ADAM22: variants seen among roughly 807,000 people sequenced by gnomAD.
ADAM22 encodes the protein disintegrin and metalloproteinase domain-containing protein 22.
ADAM22 carries 65 observed loss-of-function variants against 144.6 expected under a neutral mutation model. The observed-to-expected ratio is 0.45, with a 90% CI of 0.37 to 0.55. ADAM22 has a LOEUF of 0.55. Among genes scored for constraint, ADAM22 ranks in the 20% least tolerant of loss-of-function variants. The probability of loss-of-function intolerance (pLI) is 0.00; values close to 1 mark genes in which losing one functional copy is unlikely to be tolerated. For missense variants in ADAM22, 974 were observed against 1,184.9 expected, an observed-to-expected ratio of 0.82 and a Z score of 2.61; for synonymous variants, 391 against 412.6, an observed-to-expected ratio of 0.95 and a Z score of 0.63.
At chr7:88,116,650 G>C in intron 6 of ADAM22, 95 bp from the exon 7 acceptor site, 1 of 977,870 alleles carries the variant, frequency 1.0e-6, no homozygotes, top group Non-Finnish European at 1.6e-6. Context: ...GCATAGGCAA[G>C]CTGTGGTTCT....
At chr7:88,034,594 G>A (rs1009499103) in intron 3 of ADAM22, among the ~76,000 whole-genome samples, 1 of 152,164 alleles carries the variant, frequency 6.6e-6, no homozygotes, top group Non-Finnish European at 1.5e-5. Flanking sequence ...GCCCAGCACA[G>A]CACTAGGACT....
At chr7:87,993,747 T>A (rs1210925919) in intron 3 of ADAM22, among the ~76,000 whole-genome samples, 1 of 152,250 alleles carries the variant, frequency 6.6e-6, no homozygotes. Context: ...TCCGTGTATG[T>A]GACTTTTTAG....
chr7:88,176,833 C>T (rs1447722564), intron 26 of ADAM22, among the ~76,000 whole-genome samples: 4 of 152,076 alleles, frequency 2.6e-5, no homozygotes, highest in East Asian at 1.9e-4. Context: ...GGTGCGATCT[C>T]GGCTCACTGC....
chr7:87,971,211 T>A (rs1256432110), intron 2 of ADAM22, among the ~76,000 whole-genome samples: 1 of 152,220 alleles, frequency 6.6e-6, no homozygotes, highest in African/African-American at 2.4e-5. Flanking sequence ...ATGTTTTGAT[T>A]TTCTTGTCAT....
intron 7 of ADAM22, among the ~76,000 whole-genome samples, chr7:88,117,988 C>A (rs950570196): frequency 1.3e-5 from 2 of 152,088 alleles, no homozygotes; most frequent in Admixed American, 1.3e-4. Flanking sequence ...CCACTGTGCC[C>A]GGCCTGATTA....
intron 3 of ADAM22, among the ~76,000 whole-genome samples, chr7:88,046,971 G>A (rs188650934): frequency 2.0e-5 from 3 of 152,232 alleles, no homozygotes; most frequent in Non-Finnish European, 2.9e-5. Context: ...TTAGACCTAC[G>A]TGGGAATACA....
At chr7:88,152,543 C>T (rs1463141729) in intron 20 of ADAM22, among the ~76,000 whole-genome samples, 1 of 152,086 alleles carries the variant, frequency 6.6e-6, no homozygotes, top group Non-Finnish European at 1.5e-5. Flanking sequence ...TTATAATAAA[C>T]TTGTCTTTAT....
At chr7:88,016,473 T>C (rs1796564447) in intron 3 of ADAM22, among the ~76,000 whole-genome samples, 1 of 152,194 alleles carries the variant, frequency 6.6e-6, no homozygotes, top group African/African-American at 2.4e-5. Context: ...AATTTGAAAA[T>C]TATGTTATTT....
intron 10 of ADAM22, among the ~76,000 whole-genome samples, chr7:88,131,048 C>CA (rs1563284111): frequency 6.6e-6 from 1 of 151,948 alleles, no homozygotes; most frequent in Non-Finnish European, 1.5e-5. Flanking sequence ...AGGTATTTGT[C>CA]AAAAAGGGAT....
chr7:88,087,008 A>G (rs945469037), intron 4 of ADAM22, among the ~76,000 whole-genome samples: 1 of 152,314 alleles, frequency 6.6e-6, no homozygotes, highest in East Asian at 1.9e-4. Context: ...TGTAAATACA[A>G]CTATTATCCT....
chr7:88,144,385 C>T (rs1164459890), intron 15 of ADAM22, among the ~76,000 whole-genome samples: 1 of 152,048 alleles, frequency 6.6e-6, no homozygotes, highest in Non-Finnish European at 1.5e-5. Context: ...AAGAGCTAAA[C>T]AATAAAACAG....
At chr7:88,097,564 G>GA (rs770994158) in intron 4 of ADAM22, among the ~76,000 whole-genome samples, 2 of 149,712 alleles carry the variant, frequency 1.3e-5, no homozygotes, top group East Asian at 2.0e-4. Flanking sequence ...TAAAAGTGGA[G>GA]AAAAAACGAT....
At chr7:88,165,553 G>A (rs1397791252) in intron 23 of ADAM22, among the ~76,000 whole-genome samples, 1 of 151,848 alleles carries the variant, frequency 6.6e-6, no homozygotes, top group Non-Finnish European at 1.5e-5. Flanking sequence ...ATTTAAGTTA[G>A]TGAAAGTCAA....
At chr7:88,148,875 G>T in intron 17 of ADAM22, 102 bp from the exon 18 acceptor site, 1 of 849,154 alleles carries the variant, frequency 1.2e-6, no homozygotes, top group Non-Finnish European at 1.8e-6. Context: ...AGTAGTTTAA[G>T]GTATTTCTAG....
At chr7:88,094,789 T>C (rs1563203180) in intron 4 of ADAM22, among the ~76,000 whole-genome samples, 1 of 152,170 alleles carries the variant, frequency 6.6e-6, no homozygotes, top group African/African-American at 2.4e-5. Flanking sequence ...AAAAATAAAC[T>C]TCTTGAATTG....
At chr7:87,982,129 A>G (rs1853706065) in intron 3 of ADAM22, among the ~76,000 whole-genome samples, 1 of 147,660 alleles carries the variant, frequency 6.8e-6, no homozygotes, top group Non-Finnish European at 1.5e-5. Context: ...AAGTTTTCTA[A>G]GCCTCTAGTA....
intron 30 of ADAM22, among the ~76,000 whole-genome samples, chr7:88,188,858 T>C (rs889806128): frequency 1.3e-5 from 2 of 152,100 alleles, no homozygotes; most frequent in Admixed American, 6.5e-5. Context: ...AGGGCAAAGG[T>C]CACCTTATTG....
intron 3 of ADAM22, among the ~76,000 whole-genome samples, chr7:87,986,667 A>G (rs1788569949): frequency 6.6e-6 from 1 of 152,130 alleles, no homozygotes; most frequent in South Asian, 2.1e-4. Context: ...TAACACCTTC[A>G]TGTTACTGGT....
chr7:88,075,647 C>G lies in ADAM22; in HGVS notation c.345C>G (p.Tyr115Ter). The G allele has an allele frequency of 6.2e-7, 1 of 1,613,712 alleles. No individual in the cohort carries two copies. Among genetic ancestry groups the G allele is most frequent in the Non-Finnish European group, 8.5e-7 (1 of 1,179,860 alleles). ...GCAGTGATTTGCTGTCCTCTGAATA[C>G]ATAGAGAGACACATTGAACATGGAG... ...VLNHDLLSSE[Y>*]IERHIEHGGK... Residue 115 changes from tyrosine (Y) to a stop codon, truncating the protein, a stop_gained, in exon 4 of 32, where the codon TAC becomes TAG. Transcript: ENST00000413139. LOFTEE classifies it high-confidence loss of function.
Sources: gnomAD v4.1 joint callset for allele counts (sites outside exome capture counted in the v4.1 genomes callset) on GRCh38, gnomAD v4.1.1 for gene constraint, MANE v1.5 for transcripts, NCBI Gene and HGNC (gene_info 2026-07-23, HGNC 2026-07-21) for gene names.